Variants in STPG2 observed in about 807,000 individuals in gnomAD.
STPG2 encodes sperm tail PG-rich repeat containing 2.
STPG2 carries 56 observed loss-of-function variants against 54.2 expected under a neutral mutation model. The ratio of observed to expected loss-of-function variants is 1.03; its 90% confidence interval spans 0.83 to 1.29. The LOEUF is 1.29. STPG2 is among the 50% of genes most tolerant of loss of function. The pLI is 0.00. For missense variants in STPG2, 596 were observed against 544.9 expected, an observed-to-expected ratio of 1.09 and a Z score of -0.93; for synonymous variants, 200 against 181.8, an observed-to-expected ratio of 1.10 and a Z score of -0.81.
chr4:97,716,775 G>T (rs1190512799), intron 9 of STPG2, among the ~76,000 whole-genome samples: 1 of 151,726 alleles, frequency 6.6e-6, no homozygotes, highest in African/African-American at 2.4e-5. Context: ...GTTGATGGGT[G>T]CAGCAAACCA....
chr4:98,095,722 G>A (rs573964589), intron 5 of STPG2, among the ~76,000 whole-genome samples: 1 of 152,190 alleles, frequency 6.6e-6, no homozygotes, highest in South Asian at 2.1e-4. Flanking sequence ...AATAACAGCT[G>A]GAGACTTCAA....
chr4:97,995,601 C>T (rs1735178994), intron 5 of STPG2, among the ~76,000 whole-genome samples: 1 of 152,024 alleles, frequency 6.6e-6, no homozygotes, highest in Non-Finnish European at 1.5e-5. Context: ...TGGGAAAAGA[C>T]TAGCACACCC....
intron 5 of STPG2, among the ~76,000 whole-genome samples, chr4:97,989,853 C>T (rs189301155): frequency 2.7e-4 from 41 of 152,326 alleles, no homozygotes; most frequent in Non-Finnish European, 5.0e-4. Context: ...GATTTCATCA[C>T]ACTACACAGA....
chr4:97,909,426 A>G lies in STPG2; in HGVS notation c.1044+34471T>C, dbSNP rs541849315. On this transcript the variant is annotated intron_variant, in intron 8 of 10. Coordinates refer to ENST00000295268, the MANE Select transcript of STPG2 (RefSeq NM_174952.3). ...ACAATCTCACACAAATTCTTTCAGAAAATGGAAAAACAGGCAACACTTACC... is the reference window on the plus strand; with the variant it reads ...ACAATCTCACACAAATTCTTTCAGAGAATGGAAAAACAGGCAACACTTACC... 9.8e-5 allele frequency among the ~76,000 whole-genome samples: 15 copies of G among 152,308 alleles called. No homozygotes were observed. In the South Asian group the frequency reaches 3.1e-3, roughly 32 times the overall value.
intron 8 of STPG2, among the ~76,000 whole-genome samples, chr4:97,856,238 A>G (rs561915833): frequency 6.6e-6 from 1 of 152,286 alleles, no homozygotes; most frequent in Admixed American, 6.5e-5. Context: ...ATAGCATTGA[A>G]TCTATAAATT....
intron 5 of STPG2, among the ~76,000 whole-genome samples, chr4:97,998,772 G>C (rs1347130583): frequency 2.6e-5 from 4 of 152,120 alleles, no homozygotes; most frequent in Non-Finnish European, 5.9e-5. Context: ...GTTGGTGCTA[G>C]TTAGGTAATA....
At chr4:98,047,289 C>G (rs1384492796) in intron 5 of STPG2, among the ~76,000 whole-genome samples, 1 of 152,108 alleles carries the variant, frequency 6.6e-6, no homozygotes, top group Non-Finnish European at 1.5e-5. Context: ...AGCTGGAGAC[C>G]TGATTTTATC....
At chr4:98,051,730 T>G (rs952693088) in intron 5 of STPG2, among the ~76,000 whole-genome samples, 1 of 151,948 alleles carries the variant, frequency 6.6e-6, no homozygotes, top group Non-Finnish European at 1.5e-5. Context: ...TTGGAGGTTC[T>G]GCATATTGTC....
chr4:97,955,843 A>C (rs1167481264), intron 7 of STPG2, among the ~76,000 whole-genome samples: 2 of 152,200 alleles, frequency 1.3e-5, no homozygotes, highest in Non-Finnish European at 2.9e-5. Context: ...AATATTATTA[A>C]AGTGCTGAAA....
chr4:97,984,785 T>G (rs1012284615), intron 5 of STPG2, among the ~76,000 whole-genome samples: 1 of 146,988 alleles, frequency 6.8e-6, no homozygotes, highest in African/African-American at 2.5e-5. Flanking sequence ...AGTCTCAATT[T>G]GCAACATTTG....
At chr4:98,112,570 T>C (rs1739394387) in intron 3 of STPG2, among the ~76,000 whole-genome samples, 1 of 152,138 alleles carries the variant, frequency 6.6e-6, no homozygotes, top group Admixed American at 6.6e-5. Context: ...CTGACAGAAC[T>C]TTAATGTTTG....
intron 4 of STPG2, among the ~76,000 whole-genome samples, chr4:97,498,110 T>C (rs1439929387): frequency 6.6e-6 from 1 of 151,950 alleles, no homozygotes; most frequent in Admixed American, 6.6e-5. Context: ...GATTAGGGCA[T>C]TTGTTTTGTA....
At chr4:97,911,019 GGCAATA>G (rs1474355430) in intron 8 of STPG2, among the ~76,000 whole-genome samples, 1 of 152,188 alleles carries the variant, frequency 6.6e-6, no homozygotes, top group Admixed American at 6.5e-5. Flanking sequence ...AACAGAGTGG[GGCAATA>G]GCTCACCTGG....
chr4:97,750,228 C>T (rs1299627521), intron 9 of STPG2, among the ~76,000 whole-genome samples: 1 of 151,798 alleles, frequency 6.6e-6, no homozygotes, highest in Non-Finnish European at 1.5e-5. Context: ...ATATAGGCAT[C>T]AGTTTCTACT....
intron 10 of STPG2, among the ~76,000 whole-genome samples, chr4:97,691,743 C>T (rs759043466): frequency 2.0e-5 from 3 of 152,136 alleles, no homozygotes; most frequent in African/African-American, 7.2e-5. Context: ...CAAAACGATA[C>T]AAAACCAGTC....
chr4:97,537,893 C>T (rs963363840), intron 4 of STPG2, among the ~76,000 whole-genome samples: 10 of 152,148 alleles, frequency 6.6e-5, no homozygotes, highest in African/African-American at 1.4e-4. Context: ...CAACAATATT[C>T]GCTGTTCTGC....
At chr4:97,887,758 C>A (rs1300104801) in intron 8 of STPG2, among the ~76,000 whole-genome samples, 1 of 152,126 alleles carries the variant, frequency 6.6e-6, no homozygotes, top group Non-Finnish European at 1.5e-5. Context: ...ATAGTAAAGA[C>A]AATGAAAATA....
chr4:97,659,435 C>G (rs977689184), intron 10 of STPG2, among the ~76,000 whole-genome samples: 3 of 31,676 alleles, frequency 9.5e-5, no homozygotes, highest in Admixed American at 5.8e-4. Context: ...CCCTACAGAA[C>G]TGGAAGGGAT....
At chr4:97,957,371 C>CA (rs1436005374) in intron 7 of STPG2, among the ~76,000 whole-genome samples, 4 of 151,172 alleles carry the variant, frequency 2.6e-5, no homozygotes, top group African/African-American at 9.7e-5. Flanking sequence ...CCCAATCAAA[C>CA]AAAGACAAAG....
Sources: gnomAD v4.1 joint callset for allele counts (sites outside exome capture counted in the v4.1 genomes callset) on GRCh38, gnomAD v4.1.1 for gene constraint, MANE v1.5 for transcripts, NCBI Gene and HGNC (gene_info 2026-07-23, HGNC 2026-07-21) for gene names.